Variants in PAX2 observed in about 807,000 individuals in gnomAD.
PAX2 encodes the protein paired box 2, also known as paired box protein Pax-2.
PAX2 carries 9 observed loss-of-function variants against 41.7 expected under a neutral mutation model. That is an observed-to-expected ratio of 0.22 (90% CI 0.13 to 0.38). The LOEUF (loss-of-function observed/expected upper bound fraction) is 0.38. Ranked by LOEUF, PAX2 falls within the 10% of genes least tolerant of loss-of-function variation. PAX2 has a pLI of 1.00. For missense variants in PAX2, 418 were observed against 531.6 expected (o/e 0.79, Z 2.10); for synonymous variants, 221 against 212.7 (o/e 1.04, Z -0.34).
At chr10:100,790,154 G>A (rs1164472590) in intron 5 of PAX2, among the ~76,000 whole-genome samples, 1 of 152,178 alleles carries the variant, frequency 6.6e-6, no homozygotes, top group African/African-American at 2.4e-5. Context: ...TTGGGATTTA[G>A]CACAAAAGAG....
chr10:100,817,498 A>G (rs758684972), intron 7 of PAX2, among the ~76,000 whole-genome samples: 30 of 152,352 alleles, frequency 2.0e-4, no homozygotes, highest in Admixed American at 4.6e-4. Flanking sequence ...TGCTGGGAGA[A>G]GGGATGGAAA....
Position 100,748,720 on chromosome 10 carries a change from C to A in PAX2, c.44-1026C>A. On this transcript the variant is annotated intron_variant, in intron 1 of 9. Transcript: ENST00000355243. This position sits in a 1 kb window ranked among gnomAD's most constrained non-coding sequence, Gnocchi z 5.0. The stretch of plus-strand genomic sequence containing the variant: ...CGAGATCGGGAGCCCGCGCTGGAGC[C>A]GGGTTGGAAACCCCGTGCCCTTCTC... The A allele has an allele frequency of 2.0e-6, 2 of 985,490 alleles. No homozygotes were observed. The highest frequency in any genetic ancestry group is 3.5e-5 in the African/African-American group (2 of 57,366). 61.0% of individuals were successfully genotyped at this position (985,490 alleles called of 1,614,324 possible).
chr10:100,747,461 C>A, intron 1 of PAX2: 1 of 211,676 alleles, frequency 4.7e-6, no homozygotes, highest in Non-Finnish European at 8.0e-6. Context: ...AAAAACTATT[C>A]TGAGATTTTT....
chr10:100,755,771 G>C (rs1339445637), intron 3 of PAX2, among the ~76,000 whole-genome samples: 10 of 152,140 alleles, frequency 6.6e-5, no homozygotes, highest in Non-Finnish European at 1.2e-4. Flanking sequence ...TTGTCACAGG[G>C]AAATGGACAA....
chr10:100,790,303 GT>G (rs749430495), intron 5 of PAX2, among the ~76,000 whole-genome samples: 24 of 152,304 alleles, frequency 1.6e-4, no homozygotes, highest in Non-Finnish European at 2.9e-4. Context: ...GCGGGTGTAG[GT>G]ATACCACTGT....
chr10:100,808,925 A>G (rs988798678), intron 6 of PAX2, among the ~76,000 whole-genome samples, 185 bp from the exon 7 acceptor site: 5 of 152,200 alleles, frequency 3.3e-5, no homozygotes, highest in Admixed American at 1.3e-4. Flanking sequence ...GGTTTCACCA[A>G]GTCAGGTCTA....
intron 8 of PAX2, among the ~76,000 whole-genome samples, chr10:100,825,490 C>G (rs561077302): frequency 2.6e-5 from 4 of 152,172 alleles, no homozygotes; most frequent in African/African-American, 9.7e-5. Context: ...TACCTAACCC[C>G]TAACCCCAGA....
chr10:100,815,879 G>T (rs1193226043), intron 7 of PAX2, among the ~76,000 whole-genome samples: 1 of 152,218 alleles, frequency 6.6e-6, no homozygotes, highest in Non-Finnish European at 1.5e-5. Context: ...GGGTGCCATG[G>T]CAGAAGTACC....
intron 1 of PAX2, among the ~76,000 whole-genome samples, chr10:100,737,595 A>T (rs1398381208): frequency 6.6e-6 from 1 of 152,168 alleles, no homozygotes; most frequent in East Asian, 1.9e-4. Flanking sequence ...GGAAAAGGAA[A>T]CCGCACTTCG....
intron 5 of PAX2, among the ~76,000 whole-genome samples, chr10:100,802,266 C>T (rs1847591461): frequency 6.6e-6 from 1 of 152,220 alleles, no homozygotes; most frequent in Non-Finnish European, 1.5e-5. Context: ...GCCTCCAGCC[C>T]TCTTGGTGCA....
At chr10:100,804,406 C>G (rs999031116) in intron 5 of PAX2, among the ~76,000 whole-genome samples, 1 of 152,158 alleles carries the variant, frequency 6.6e-6, no homozygotes, top group Admixed American at 6.5e-5. Context: ...CACACGCTCA[C>G]AAATACACCC....
At position 100,750,766 on chromosome 10, in the gene PAX2, G is replaced by C. The variant is rs749059507; in HGVS notation, c.285G>C (p.Val95=). The C allele has an allele frequency of 1.9e-6, 3 of 1,614,210 alleles. No individual in the cohort carries two copies. The South Asian group carries it at 3.3e-5, about 18-fold the overall frequency. Residue 95 remains valine (V), a synonymous_variant, in exon 3 of 10, where the codon GTG becomes GTC. Transcript: ENST00000355243. This position sits in a 1 kb window ranked among gnomAD's most constrained non-coding sequence, Gnocchi z 4.1. The part of the protein sequence containing the change: ...GSKPKVATPK[V]VDKIAEYKRQ... ...AGCCCAAAGTGGCGACGCCCAAAGT[G>C]GTGGACAAGATTGCTGAATACAAAC...
In PAX2 at chr10:100,803,893, T is replaced by A. The variant is rs559037904; in HGVS notation, c.617-2537T>A. 1.8e-4 allele frequency among the ~76,000 whole-genome samples: 27 copies of A among 151,750 alleles called. No individual in the cohort carries two copies. In the South Asian group the frequency reaches 4.6e-3, roughly 26 times the overall value. The stretch of plus-strand genomic sequence containing the variant: ...ACCAGGGCCTGAGTATACAAAAAAA[T>A]AAATAAATAAATAAAAAGGTCAGTG... On this transcript the variant is annotated intron_variant, in intron 5 of 9. Coordinates refer to ENST00000355243, the MANE Select transcript of PAX2 (RefSeq NM_000278.5).
intron 3 of PAX2, among the ~76,000 whole-genome samples, chr10:100,775,076 C>A (rs1435256536): frequency 6.6e-6 from 1 of 152,056 alleles, no homozygotes; most frequent in African/African-American, 2.4e-5. Context: ...AAAAATGACA[C>A]CTCCCAGCTT....
At position 100,749,807 on chromosome 10, in the gene PAX2, C is replaced by T. The variant is rs1554855753; in HGVS notation, c.105C>T (p.Asp35=). ...GVFVNGRPLP[D]VVRQRIVELA... ...TTGTGAACGGCCGGCCCCTACCCGA[C>T]GTGGTGAGGCAGCGCATCGTGGAGC... is the stretch of plus-strand genomic sequence containing the variant. Residue 35 remains aspartate, a synonymous_variant, in exon 2 of 10, where the codon GAC becomes GAT. Coordinates refer to ENST00000355243, the MANE Select transcript of PAX2 (RefSeq NM_000278.5). 3 of 1,611,610 alleles carry T rather than the reference C, an allele frequency of 1.9e-6. No homozygotes were observed. Among genetic ancestry groups the T allele is most frequent in the Non-Finnish European group, 2.5e-6 (3 of 1,178,660 alleles).
chr10:100,752,710 T>G (rs994304138), intron 3 of PAX2, among the ~76,000 whole-genome samples: 12 of 152,320 alleles, frequency 7.9e-5, no homozygotes, highest in Admixed American at 7.2e-4. Context: ...TTCTCTTGAA[T>G]GGGGTAGAGG....
intron 3 of PAX2, among the ~76,000 whole-genome samples, chr10:100,770,415 G>A (rs553539262): frequency 2.6e-5 from 4 of 152,350 alleles, no homozygotes; most frequent in Admixed American, 6.5e-5. Flanking sequence ...GGTGAGAGGC[G>A]CTAGTCTGTC....
chr10:100,755,162 T>C (rs1845584450), intron 3 of PAX2, among the ~76,000 whole-genome samples: 1 of 152,248 alleles, frequency 6.6e-6, no homozygotes, highest in African/African-American at 2.4e-5. Flanking sequence ...TCTCATTCCT[T>C]AAAATGAGCT....
intron 7 of PAX2, among the ~76,000 whole-genome samples, chr10:100,823,318 CA>C (rs1848431073): frequency 6.6e-6 from 1 of 152,048 alleles, no homozygotes; most frequent in Non-Finnish European, 1.5e-5. Flanking sequence ...ACTAGAAATG[CA>C]AAAACCTGAG....
Sources: gnomAD v4.1 joint callset for allele counts (sites outside exome capture counted in the v4.1 genomes callset) on GRCh38, gnomAD v4.1.1 for gene constraint, Gnocchi (gnomAD v3.1) non-coding constraint, MANE v1.5 for transcripts, NCBI Gene and HGNC (gene_info 2026-07-23, HGNC 2026-07-21) for gene names.